DCC: variants seen among roughly 807,000 people sequenced by gnomAD.
DCC encodes netrin receptor DCC.
In DCC, 58 loss-of-function variants were observed where a neutral mutation model predicts 172.5. That is an observed-to-expected ratio of 0.34 (90% CI 0.27 to 0.42). The LOEUF (loss-of-function observed/expected upper bound fraction) is 0.42. Ranked by LOEUF, DCC falls within the 10% of genes least tolerant of loss-of-function variation. The pLI is 1.00. For synonymous variants in DCC, 709 were observed against 644.5 expected (o/e 1.10, Z -1.52); for missense variants, 1,740 against 1,791.0 (o/e 0.97, Z 0.51).
intron 7 of DCC, among the ~76,000 whole-genome samples, chr18:53,110,389 A>G (rs2043312959): frequency 6.6e-6 from 1 of 151,714 alleles, no homozygotes; most frequent in South Asian, 2.1e-4. Flanking sequence ...GTTAAGCAAA[A>G]TAAGATAATT....
At chr18:53,103,869 G>T (rs1450393785) in intron 7 of DCC, among the ~76,000 whole-genome samples, 1 of 151,958 alleles carries the variant, frequency 6.6e-6, no homozygotes, top group East Asian at 2.0e-4. Context: ...TATATTAACT[G>T]GACCAATACA....
At chr18:53,344,446 T>TC (rs1179449637) in intron 15 of DCC, among the ~76,000 whole-genome samples, 6 of 139,286 alleles carry the variant, frequency 4.3e-5, no homozygotes, top group East Asian at 4.1e-4. Flanking sequence ...TTTTCTTTTT[T>TC]TTTTTTTTTT....
At chr18:53,312,730 A>G (rs1171782319) in intron 13 of DCC, among the ~76,000 whole-genome samples, 1 of 136,188 alleles carries the variant, frequency 7.3e-6, no homozygotes, top group African/African-American at 2.8e-5. Flanking sequence ...AATGGCTTGA[A>G]CCGGGGAGGC....
intron 1 of DCC, among the ~76,000 whole-genome samples, chr18:52,459,156 C>A (rs79162337): frequency 0.062 from 9,366 of 151,972 alleles, 363 homozygotes; most frequent in East Asian, 0.096. Context: ...ATCAACTTAC[C>A]CTTTATACTA....
chr18:52,962,912 A>C (rs547009060), intron 5 of DCC, among the ~76,000 whole-genome samples: 4 of 143,264 alleles, frequency 2.8e-5, no homozygotes, highest in Admixed American at 7.3e-5. Flanking sequence ...CAATGAGAAC[A>C]CATGGACACA....
At chr18:52,423,195 C>A (rs1369174186) in intron 1 of DCC, among the ~76,000 whole-genome samples, 1 of 152,136 alleles carries the variant, frequency 6.6e-6, no homozygotes, top group African/African-American at 2.4e-5. Flanking sequence ...AGGTGGCTAA[C>A]AATCCTCATT....
intron 1 of DCC, among the ~76,000 whole-genome samples, chr18:52,424,222 A>T (rs1156517340): frequency 6.6e-6 from 1 of 152,200 alleles, no homozygotes; most frequent in African/African-American, 2.4e-5. Flanking sequence ...ACTGTGTATC[A>T]GGTAGTATGC....
intron 22 of DCC, among the ~76,000 whole-genome samples, chr18:53,444,354 C>T (rs1306627295): frequency 6.6e-6 from 1 of 152,100 alleles, no homozygotes; most frequent in Non-Finnish European, 1.5e-5. Context: ...CCAGCCTGTC[C>T]AACATGGTGA....
chr18:53,245,618 A>G (rs1481844723), intron 12 of DCC, among the ~76,000 whole-genome samples: 1 of 152,076 alleles, frequency 6.6e-6, no homozygotes, highest in Non-Finnish European at 1.5e-5. Flanking sequence ...TAGGAGTATA[A>G]TGTTTCTCCT....
intron 5 of DCC, among the ~76,000 whole-genome samples, chr18:52,943,745 T>TG (rs2040499081): frequency 1.2e-5 from 1 of 81,470 alleles, no homozygotes; most frequent in Non-Finnish European, 3.1e-5. Flanking sequence ...ATGGTTTTTT[T>TG]TTTTGTTTGT....
In DCC at chr18:53,179,103, C is replaced by G. The variant is rs746610946; in HGVS notation, c.1560C>G (p.Ala520=). The G allele has an allele frequency of 1.8e-5, 29 of 1,613,674 alleles. No homozygotes were observed. The highest frequency in any genetic ancestry group is 1.7e-6 in the Non-Finnish European group (2 of 1,179,880). Residue 520 remains alanine (A), a synonymous_variant, in exon 9 of 29, where the codon GCC becomes GCG. Transcript: ENST00000442544. ...AGAGTTCTCAACCCATCAAGGTGGC[C>G]ACACAGCCTGAGTGTGAGTATGAAA... ...PGESSQPIKV[A]TQPELQVPGP...
intron 9 of DCC, among the ~76,000 whole-genome samples, chr18:53,199,928 G>A (rs55651659): frequency 0.058 from 8,781 of 152,064 alleles, 300 homozygotes; most frequent in Middle Eastern, 0.082. Context: ...ATTTTACAAC[G>A]AAAGAGTTGA....
At chr18:53,033,729 T>C (rs765250721) in intron 5 of DCC, among the ~76,000 whole-genome samples, 1 of 152,112 alleles carries the variant, frequency 6.6e-6, no homozygotes, top group African/African-American at 2.4e-5. Flanking sequence ...AAGAATGCAC[T>C]TTTTGAACTC....
At chr18:53,210,609 C>T (rs2055735139) in intron 11 of DCC, among the ~76,000 whole-genome samples, 1 of 152,062 alleles carries the variant, frequency 6.6e-6, no homozygotes, top group South Asian at 2.1e-4. Context: ...TTTAGGATTT[C>T]CCATTTGTGG....
chr18:52,832,479 T>C lies in DCC; in HGVS notation c.413-73565T>C, dbSNP rs116290548. On this transcript the variant is annotated intron_variant, in intron 2 of 28. Transcript: ENST00000442544. Reference sequence around the variant, plus strand: ...AAAACCCTGTGCACCCCAAAATTTATGCATATAATTTTAGTAAGACTTCTG... The same window carrying C: ...AAAACCCTGTGCACCCCAAAATTTACGCATATAATTTTAGTAAGACTTCTG... Among the ~76,000 whole-genome samples, 333 of 152,252 alleles carry C rather than the reference T, an allele frequency of 2.2e-3. 2 individuals are homozygous for C. The highest frequency in any genetic ancestry group is 7.6e-3 in the African/African-American group (316 of 41,494).
At chr18:52,629,036 G>A (rs1042964060) in intron 1 of DCC, among the ~76,000 whole-genome samples, 1 of 152,174 alleles carries the variant, frequency 6.6e-6, no homozygotes, top group Non-Finnish European at 1.5e-5. Flanking sequence ...TGGTGCAGCC[G>A]TGAGGATATT....
intron 2 of DCC, among the ~76,000 whole-genome samples, chr18:52,817,050 G>A (rs1249130915): frequency 6.6e-6 from 1 of 151,994 alleles, no homozygotes; most frequent in African/African-American, 2.4e-5. Context: ...TGGAAATAAT[G>A]TTCCAGACGT....
Position 52,340,696 on chromosome 18 carries a change from G to C in DCC, c.-92G>C, listed in dbSNP as rs1299603057. The C allele has an allele frequency of 1.1e-6, 1 of 901,886 alleles. No individual in the cohort carries two copies. Among genetic ancestry groups the C allele is most frequent in the Non-Finnish European group, 1.9e-6 (1 of 531,236 alleles). 55.9% of individuals were successfully genotyped at this position (901,886 alleles called of 1,614,324 possible). The stretch of plus-strand genomic sequence containing the variant: ...GGAGGAAGCCGAAGGGGCTCGGCGC[G>C]TGTGTGTGCATGTGTGCATGCGTGT... On this transcript the variant is annotated 5_prime_UTR_variant, in exon 1 of 29. Transcript: ENST00000442544.
At chr18:52,589,205 C>T in intron 1 of DCC, among the ~76,000 whole-genome samples, 1 of 152,174 alleles carries the variant, frequency 6.6e-6, no homozygotes, top group East Asian at 1.9e-4. Flanking sequence ...GTCAGTGAGA[C>T]AGCTTGACAA....
Sources: allele counts gnomAD v4.1 joint callset (sites outside exome capture counted in the v4.1 genomes callset), GRCh38; gene constraint gnomAD v4.1.1; transcripts MANE v1.5; gene names NCBI Gene and HGNC (gene_info 2026-07-23, HGNC 2026-07-21).